CLASP1: variants seen among roughly 807,000 people sequenced by gnomAD.
The protein encoded by CLASP1 is CLIP-associating protein 1.
In CLASP1, 38 loss-of-function variants were observed where a neutral mutation model predicts 192.3. The observed-to-expected ratio is 0.20, with a 90% CI of 0.15 to 0.26. The LOEUF is 0.26. CLASP1 is among the 10% of genes least tolerant of loss of function. CLASP1 has a pLI of 1.00. For missense variants in CLASP1, 1,433 were observed against 1,932.5 expected, an observed-to-expected ratio of 0.74 and a Z score of 4.85; for synonymous variants, 691 against 712.8, an observed-to-expected ratio of 0.97 and a Z score of 0.49.
intron 8 of CLASP1, among the ~76,000 whole-genome samples, chr2:121,484,367 T>C (rs1464548182): frequency 6.6e-6 from 1 of 152,088 alleles, no homozygotes; most frequent in Admixed American, 6.6e-5. Flanking sequence ...CACATAATAA[T>C]CACATTGCCC....
At chr2:121,572,199 C>T (rs944438971) in intron 2 of CLASP1, among the ~76,000 whole-genome samples, 33 of 152,120 alleles carry the variant, frequency 2.2e-4, no homozygotes, top group African/African-American at 6.7e-4. Context: ...GAGGCCAAGG[C>T]GGGTGGATCA....
chr2:121,646,372 T>C (rs1019973977), intron 1 of CLASP1, among the ~76,000 whole-genome samples: 2 of 152,194 alleles, frequency 1.3e-5, no homozygotes, highest in Non-Finnish European at 2.9e-5. Context: ...CCTCCCAAAA[T>C]GCTAGCATTA....
chr2:121,377,526 T>G (rs1365588605), exon 34 of CLASP1: 1 of 1,605,126 alleles, frequency 6.2e-7, no homozygotes, highest in East Asian at 2.2e-5. Flanking sequence ...TGCCATCTCG[T>G]TTAATTGGCT....
At chr2:121,584,118 T>TA (rs1300451446) in intron 2 of CLASP1, among the ~76,000 whole-genome samples, 1 of 152,202 alleles carries the variant, frequency 6.6e-6, no homozygotes, top group Non-Finnish European at 1.5e-5. Flanking sequence ...ATTTATTTTT[T>TA]ATTTTTGTGG....
intron 37 of CLASP1, among the ~76,000 whole-genome samples, chr2:121,357,292 CA>C (rs1429700486): frequency 1.3e-5 from 2 of 152,186 alleles, no homozygotes; most frequent in Admixed American, 1.3e-4. Context: ...TATTCAAAAT[CA>C]GTCTACTTTC....
chr2:121,528,838 C>A, intron 3 of CLASP1, 58 bp from the exon 4 acceptor site: 1 of 1,284,034 alleles, frequency 7.8e-7, no homozygotes, highest in Non-Finnish European at 1.1e-6. Context: ...CTGTGGTCAC[C>A]AAGTATTCCT....
intron 8 of CLASP1, among the ~76,000 whole-genome samples, chr2:121,496,268 G>A (rs2093528528): frequency 6.6e-6 from 1 of 152,196 alleles, no homozygotes; most frequent in Non-Finnish European, 1.5e-5. Flanking sequence ...TCATTTAATA[G>A]ACACCCTTTT....
intron 9 of CLASP1, 91 bp downstream of exon 9, chr2:121,469,717 T>C: frequency 7.5e-7 from 1 of 1,338,450 alleles, no homozygotes; most frequent in Non-Finnish European, 1.0e-6. Flanking sequence ...ACTGTATCAC[T>C]TCTGAGGGCC....
chr2:121,497,894 T>G (rs2093598492), intron 8 of CLASP1, among the ~76,000 whole-genome samples: 2 of 152,030 alleles, frequency 1.3e-5, no homozygotes, highest in Non-Finnish European at 2.9e-5. Flanking sequence ...CCCAGCTAAT[T>G]TTTTGTATTT....
At chr2:121,367,678 GGTTGTA>G in exon 35 of CLASP1, 1 of 1,614,044 alleles carries the variant, frequency 6.2e-7, no homozygotes, top group Non-Finnish European at 8.5e-7. Flanking sequence ...TAGGGGTACG[GGTTGTA>G]GTCTCGCGCC....
intron 1 of CLASP1, among the ~76,000 whole-genome samples, chr2:121,611,973 G>C (rs1290795445): frequency 1.3e-5 from 2 of 150,356 alleles, no homozygotes; most frequent in Admixed American, 6.6e-5. Flanking sequence ...CATTGGAGGA[G>C]TTACAGGATA....
intron 26 of CLASP1, among the ~76,000 whole-genome samples, chr2:121,403,174 C>CA (rs1341721553): frequency 6.6e-6 from 1 of 152,062 alleles, no homozygotes; most frequent in Non-Finnish European, 1.5e-5. Flanking sequence ...CTGTGAGGGT[C>CA]ACAGCAGAAA....
chr2:121,603,082 G>C (rs1204794452), intron 2 of CLASP1: 2 of 151,796 alleles, frequency 1.3e-5, no homozygotes, highest in East Asian at 3.9e-4. Context: ...TTTTAAGCCA[G>C]TAAAATTTAG....
intron 1 of CLASP1, among the ~76,000 whole-genome samples, chr2:121,609,666 G>A (rs2064938614): frequency 2.0e-5 from 3 of 152,188 alleles, no homozygotes; most frequent in Admixed American, 2.0e-4. Flanking sequence ...GTAATGGCCG[G>A]GCGCAGTGGC....
chr2:121,515,466 A>G (rs1324249153), intron 7 of CLASP1, among the ~76,000 whole-genome samples, 199 bp downstream of exon 7: 1 of 151,916 alleles, frequency 6.6e-6, no homozygotes, highest in Non-Finnish European at 1.5e-5. Context: ...TGAGTGAGAA[A>G]CTCTCATTTC....
intron 19 of CLASP1, among the ~76,000 whole-genome samples, chr2:121,435,971 T>G (rs1251397101): frequency 6.6e-6 from 1 of 152,194 alleles, no homozygotes; most frequent in Non-Finnish European, 1.5e-5. Context: ...ATCTTTGGCT[T>G]TCCTTTGTAG....
At chr2:121,607,681 T>C (rs1321829957) in intron 1 of CLASP1, among the ~76,000 whole-genome samples, 2 of 152,164 alleles carry the variant, frequency 1.3e-5, no homozygotes, top group Admixed American at 1.3e-4. Context: ...TGTGCCAAAT[T>C]GAAGCTTTTT....
rs1175265144 is a variant in CLASP1, at chr2:121,479,056, C to CCACA, written c.713-9100_713-9097dup. 1.2e-3 allele frequency among the ~76,000 whole-genome samples: 122 copies of CCACA among 101,190 alleles called. 1 individual carries two copies. Among genetic ancestry groups the CCACA allele is most frequent in the African/African-American group, 5.0e-3 (109 of 21,964 alleles). The allele number at this position is 101,190 out of a possible 152,430, so 66.4% of individuals were successfully genotyped here. A position where few individuals can be genotyped will look rare whatever the true frequency, so the allele number is the denominator to read the frequency against. ...CCCCACACACACACACACCCCCCCC[C>CCACA]CACACACACACACACACACCATCAA... is the stretch of plus-strand genomic sequence containing the variant. On this transcript the variant is annotated intron_variant, in intron 8 of 39. Transcript: ENST00000263710.
chr2:121,506,113 A>C (rs1415624421), intron 7 of CLASP1, among the ~76,000 whole-genome samples: 2 of 152,244 alleles, frequency 1.3e-5, no homozygotes, highest in African/African-American at 2.4e-5. Flanking sequence ...GTAGCACTTT[A>C]AAATGGCAGA....
Sources: allele counts gnomAD v4.1 joint callset (sites outside exome capture counted in the v4.1 genomes callset), GRCh38; gene constraint gnomAD v4.1.1; transcripts MANE v1.5; gene names NCBI Gene and HGNC (gene_info 2026-07-23, HGNC 2026-07-21).